Variants in SLC38A6 observed in about 807,000 individuals in gnomAD.
SLC38A6 encodes solute carrier family 38 member 6, also known as N system amino acid transporter NAT-1.
Under a neutral mutation model 65.0 loss-of-function variants are expected in SLC38A6, and 73 were observed. That is an observed-to-expected ratio of 1.12 (90% CI 0.93 to 1.37). The LOEUF (loss-of-function observed/expected upper bound fraction) is 1.37. SLC38A6 is among the 40% of genes most tolerant of loss of function. The pLI is 0.00. For synonymous variants in SLC38A6, 183 were observed against 178.8 expected, an observed-to-expected ratio of 1.02 and a Z score of -0.19; for missense variants, 561 against 531.1, an observed-to-expected ratio of 1.06 and a Z score of -0.55.
At chr14:61,074,995 C>T (rs2043352386) in intron 15 of SLC38A6, among the ~76,000 whole-genome samples, 1 of 151,856 alleles carries the variant, frequency 6.6e-6, no homozygotes, top group Non-Finnish European at 1.5e-5. Flanking sequence ...GTGAATTTCA[C>T]CTCAATCAAA....
At chr14:61,077,726 G>C (rs962703743) in intron 15 of SLC38A6, among the ~76,000 whole-genome samples, 3 of 151,930 alleles carry the variant, frequency 2.0e-5, no homozygotes, top group African/African-American at 7.2e-5. Context: ...AAATAGACTT[G>C]TATTCATACA....
chr14:61,035,581 G>A (rs965614409), intron 6 of SLC38A6, among the ~76,000 whole-genome samples: 2 of 151,986 alleles, frequency 1.3e-5, no homozygotes, highest in Non-Finnish European at 2.9e-5. Context: ...TATAATCATT[G>A]TTTTTCCAAG....
chr14:61,052,306 C>A, intron 15 of SLC38A6, 43 bp from the exon 16 acceptor site: 1 of 1,462,260 alleles, frequency 6.8e-7, no homozygotes, highest in Non-Finnish European at 9.2e-7. Context: ...TATCTTTTTT[C>A]TTTTATCTTT....
intron 3 of SLC38A6, among the ~76,000 whole-genome samples, chr14:61,010,894 A>G (rs530330597): frequency 6.6e-6 from 1 of 151,886 alleles, no homozygotes; most frequent in South Asian, 2.1e-4. Flanking sequence ...ATGAACTTTA[A>G]AGTAGTTTTT....
intron 15 of SLC38A6, among the ~76,000 whole-genome samples, chr14:61,067,116 A>T (rs893656327): frequency 2.0e-5 from 3 of 152,166 alleles, no homozygotes; most frequent in African/African-American, 4.8e-5. Context: ...ATATGTTTTT[A>T]AAAAAAGATT....
At chr14:61,047,954 AT>A (rs2042251548) in intron 12 of SLC38A6, among the ~76,000 whole-genome samples, 2 of 148,784 alleles carry the variant, frequency 1.3e-5, no homozygotes, top group African/African-American at 2.5e-5. Flanking sequence ...TAGATGATAG[AT>A]TAGATAGATA....
At chr14:61,029,434 T>C (rs78935650) in intron 5 of SLC38A6, among the ~76,000 whole-genome samples, 1 of 152,152 alleles carries the variant, frequency 6.6e-6, no homozygotes, top group African/African-American at 2.4e-5. Context: ...TTGTTCTTCA[T>C]GGGCGTTTCC....
At position 61,031,521 on chromosome 14, in the gene SLC38A6, A is replaced by G. The variant is rs74728993; in HGVS notation, c.482+998A>G. ...AAAATGTAGTTAAAAAAAGACAAGT[A>G]GAAGTCCTAAATGATTTCTCTTCAT... On this transcript the variant is annotated intron_variant, in intron 6 of 15. Coordinates refer to ENST00000267488, the MANE Select transcript of SLC38A6 (RefSeq NM_153811.3). Among the ~76,000 whole-genome samples the G allele has an allele frequency of 9.3e-3, 1,412 of 152,280 alleles. 9 individuals carry two copies. Among genetic ancestry groups the G allele is most frequent in the African/African-American group, 0.033 (1,355 of 41,580 alleles).
chr14:61,016,396 A>G (rs1211234811), intron 4 of SLC38A6, among the ~76,000 whole-genome samples: 2 of 152,328 alleles, frequency 1.3e-5, no homozygotes, highest in Non-Finnish European at 2.9e-5. Flanking sequence ...ACATTGCTAC[A>G]AGATTATCTA....
chr14:61,048,391 G>A, intron 12 of SLC38A6: 1 of 276,512 alleles, frequency 3.6e-6, no homozygotes, highest in Admixed American at 4.8e-5. Context: ...GTATTAAACA[G>A]GACAGCCTCC....
At chr14:61,042,166 G>C (rs1329313329) in intron 8 of SLC38A6, among the ~76,000 whole-genome samples, 1 of 151,886 alleles carries the variant, frequency 6.6e-6, no homozygotes, top group East Asian at 1.9e-4. Context: ...AATTAAGAGT[G>C]ATTCTTTAGT....
At chr14:60,991,823 TC>T (rs1402359205) in intron 3 of SLC38A6, among the ~76,000 whole-genome samples, 1 of 152,192 alleles carries the variant, frequency 6.6e-6, no homozygotes, top group East Asian at 1.9e-4. Context: ...GCCTTCCCCA[TC>T]CTTGAGGTCT....
chr14:61,078,467 T>C (rs1039570034), intron 15 of SLC38A6, among the ~76,000 whole-genome samples: 1 of 152,224 alleles, frequency 6.6e-6, no homozygotes, highest in Non-Finnish European at 1.5e-5. Flanking sequence ...GGTAGGATCC[T>C]GATGTAGAGA....
downstream of SLC38A6, among the ~76,000 whole-genome samples, chr14:61,053,391 TG>T (rs1260204594): frequency 6.6e-6 from 1 of 152,174 alleles, no homozygotes; most frequent in African/African-American, 2.4e-5. Flanking sequence ...TTATGTTCCT[TG>T]GGGTATATAT....
Position 61,052,106 on chromosome 14 carries a change from G to C in SLC38A6, c.1261G>C (p.Glu421Gln). ...ACTATTTTATCTTAAACTTAGCAGAGAGGATTTTCTGTCATGGAAAAAGCT... is the reference window on the plus strand; with the variant it reads ...ACTATTTTATCTTAAACTTAGCAGACAGGATTTTCTGTCATGGAAAAAGCT... ...PGLFYLKLSR[E>Q]DFLSWKKLGA... Residue 421 changes from glutamate (E) to glutamine (Q), a missense_variant, in exon 15 of 16, where the codon GAG (glutamate) becomes CAG (glutamine). Physicochemically the swap from Glu to Gln is conservative, Grantham distance 29 (BLOSUM62 2). Coordinates refer to ENST00000267488, the MANE Select transcript of SLC38A6 (RefSeq NM_153811.3). 1.3e-6 allele frequency: 2 copies of C among 1,567,604 alleles called. No homozygotes were observed. Among genetic ancestry groups the C allele is most frequent in the Non-Finnish European group, 1.7e-6 (2 of 1,167,368 alleles).
chr14:61,053,264 C>T (rs2042596085), downstream of SLC38A6, among the ~76,000 whole-genome samples: 2 of 151,958 alleles, frequency 1.3e-5, no homozygotes, highest in African/African-American at 4.8e-5. Flanking sequence ...TTTCTTTATC[C>T]AGTCTGTCAT....
At position 60,984,681 on chromosome 14, in the gene SLC38A6, A is replaced by C. The variant is rs574824605; in HGVS notation, c.237-49A>C. On this transcript the variant is annotated intron_variant, in intron 2 of 15. Coordinates refer to ENST00000267488, the MANE Select transcript of SLC38A6 (RefSeq NM_153811.3). ...TGTTTTTGTAATGAGACACCATACA[A>C]AAGACAAACTTTTGGGAGGTTTTGA... 4 of 1,572,640 alleles carry C rather than the reference A, an allele frequency of 2.5e-6. No individual in the cohort carries two copies. The East Asian group carries it at 9.0e-5, about 35-fold the overall frequency.
intron 5 of SLC38A6, among the ~76,000 whole-genome samples, chr14:61,028,895 C>CT (rs1218657617): frequency 6.6e-6 from 1 of 151,978 alleles, no homozygotes. Flanking sequence ...AGCATGTATC[C>CT]TTTTTTTCCT....
chr14:61,037,836 C>A (rs893915942), intron 8 of SLC38A6, among the ~76,000 whole-genome samples, 153 bp downstream of exon 8: 1 of 151,990 alleles, frequency 6.6e-6, no homozygotes, highest in African/African-American at 2.4e-5. Flanking sequence ...TAAATTATTT[C>A]CTTCATTGTA....
Sources: gnomAD v4.1 joint callset for allele counts (sites outside exome capture counted in the v4.1 genomes callset) on GRCh38, gnomAD v4.1.1 for gene constraint, MANE v1.5 for transcripts, NCBI Gene and HGNC (gene_info 2026-07-23, HGNC 2026-07-21) for gene names.